The following RIT2 variants were observed in gnomAD, a reference collection of about 807,000 sequenced individuals.
The protein encoded by RIT2 is Ras like without CAAX 2.
RIT2 carries 24 observed loss-of-function variants against 23.7 expected under a neutral mutation model. That is an observed-to-expected ratio of 1.01 (90% confidence interval 0.73 to 1.43). RIT2 has a LOEUF of 1.43. RIT2 is among the 40% of genes most tolerant of loss of function. RIT2 has a pLI of 0.00. For missense variants in RIT2, 236 were observed against 266.9 expected (o/e 0.88, Z 0.81); for synonymous variants, 107 against 91.1 (o/e 1.17, Z -0.99).
intron 1 of RIT2, among the ~76,000 whole-genome samples, chr18:43,094,127 T>G (rs533375018): frequency 1.4e-3 from 183 of 129,880 alleles, no homozygotes; most frequent in African/African-American, 4.7e-3. Context: ...TTTTTTGTTT[T>G]TTTTTTTTTT....
intron 3 of RIT2, among the ~76,000 whole-genome samples, chr18:42,959,537 T>C (rs1431671350): frequency 6.6e-6 from 1 of 152,202 alleles, no homozygotes; most frequent in Non-Finnish European, 1.5e-5. Context: ...TCTTTCTCCT[T>C]TTTCAATTTA....
intron 4 of RIT2, among the ~76,000 whole-genome samples, chr18:42,880,773 G>A (rs1243907638): frequency 6.9e-6 from 1 of 145,280 alleles, no homozygotes; most frequent in Non-Finnish European, 1.5e-5. Context: ...AAGGGCCTGT[G>A]TCCAAAACAG....
chr18:43,062,140 C>T (rs749060562), intron 1 of RIT2, among the ~76,000 whole-genome samples: 7 of 151,996 alleles, frequency 4.6e-5, no homozygotes, highest in South Asian at 2.1e-4. Flanking sequence ...GCAAAAAAGC[C>T]GCAACATAGG....
At chr18:42,754,165 C>A (rs1025482554) in intron 4 of RIT2, among the ~76,000 whole-genome samples, 6 of 152,170 alleles carry the variant, frequency 3.9e-5, no homozygotes, top group Non-Finnish European at 5.9e-5. Context: ...CTTAGCACGT[C>A]CCTCTTTTAG....
intron 2 of RIT2, among the ~76,000 whole-genome samples, chr18:42,979,279 A>C: frequency 6.6e-6 from 1 of 152,252 alleles, no homozygotes; most frequent in African/African-American, 2.4e-5. Context: ...AATTAGGATA[A>C]TATAAGACCA....
intron 1 of RIT2, among the ~76,000 whole-genome samples, chr18:43,108,027 AACC>A (rs1407237576): frequency 6.8e-6 from 1 of 147,518 alleles, no homozygotes; most frequent in Non-Finnish European, 1.5e-5. Context: ...AAAAAAAATT[AACC>A]GGGCATGGTG....
At chr18:42,933,794 C>G (rs1477813743) in intron 3 of RIT2, among the ~76,000 whole-genome samples, 1 of 151,832 alleles carries the variant, frequency 6.6e-6, no homozygotes. Context: ...CTGAGGCAGG[C>G]AGAACACAAG....
At chr18:42,844,030 T>G (rs1330113769) in intron 4 of RIT2, among the ~76,000 whole-genome samples, 1 of 152,182 alleles carries the variant, frequency 6.6e-6, no homozygotes, top group African/African-American at 2.4e-5. Context: ...TCTCAGACCA[T>G]TTTTTGGACT....
chr18:43,049,089 G>A (rs1568066828), intron 1 of RIT2, among the ~76,000 whole-genome samples: 1 of 152,140 alleles, frequency 6.6e-6, no homozygotes, highest in African/African-American at 2.4e-5. Context: ...CACTAGTATG[G>A]CACTCCAACT....
At chr18:42,854,816 T>A (rs190530774) in intron 4 of RIT2, among the ~76,000 whole-genome samples, 1 of 152,182 alleles carries the variant, frequency 6.6e-6, no homozygotes, top group African/African-American at 2.4e-5. Flanking sequence ...AATCCAATAC[T>A]AGTATGACAT....
At chr18:42,952,094 C>T (rs2144174092) in intron 3 of RIT2, among the ~76,000 whole-genome samples, 1 of 152,248 alleles carries the variant, frequency 6.6e-6, no homozygotes, top group South Asian at 2.1e-4. Flanking sequence ...TTACCTCCTA[C>T]TGGGTCCCTC....
rs554098278 is a variant in RIT2 at position 42,795,615 on chromosome 18, G to A, written c.427-51895C>T. On this transcript the variant is annotated intron_variant, in intron 4 of 4. Transcript: ENST00000326695. ...CGACCACCTAAGGGCTGAGAACTGC[G>A]GGCGCGGCACGGGACTGGCAGGCAG... is the stretch of plus-strand genomic sequence containing the variant. 8.1e-4 allele frequency among the ~76,000 whole-genome samples: 124 copies of A among 152,372 alleles called. 1 individual carries two copies. In the South Asian group the frequency reaches 0.019, roughly 23 times the overall value.
intron 4 of RIT2, among the ~76,000 whole-genome samples, chr18:42,922,672 A>G (rs1909081594): frequency 6.6e-6 from 1 of 152,150 alleles, no homozygotes; most frequent in Non-Finnish European, 1.5e-5. Flanking sequence ...GTTATTGCCC[A>G]AGAAGTAGTG....
intron 2 of RIT2, among the ~76,000 whole-genome samples, chr18:42,996,750 T>C (rs1329852036): frequency 6.6e-6 from 1 of 152,094 alleles, no homozygotes; most frequent in Non-Finnish European, 1.5e-5. Flanking sequence ...CCCAGGTGAT[T>C]AAAAGCTTTA....
intron 4 of RIT2, among the ~76,000 whole-genome samples, chr18:42,797,549 T>C (rs1490089912): frequency 6.6e-6 from 1 of 152,254 alleles, no homozygotes; most frequent in Non-Finnish European, 1.5e-5. Flanking sequence ...TTGGGCATGT[T>C]ACTATTGTTT....
rs1908422963 is a variant in RIT2, at chr18:42,899,624, G to A, written c.426+23948C>T. On this transcript the variant is annotated intron_variant, in intron 4 of 4. Transcript: ENST00000326695. ...ATTCATGGTCAAAGCGTGAGGTAATGCAAACCTGAGGTGCATTAAAAGCTC... is the reference window on the plus strand; with the variant it reads ...ATTCATGGTCAAAGCGTGAGGTAATACAAACCTGAGGTGCATTAAAAGCTC... Among the ~76,000 whole-genome samples, 4 of 152,108 alleles carry A rather than the reference G, an allele frequency of 2.6e-5. No homozygotes were observed. The South Asian group carries it at 8.3e-4, about 32-fold the overall frequency.
At chr18:43,108,601 T>C (rs1465946500) in intron 1 of RIT2, among the ~76,000 whole-genome samples, 1 of 152,216 alleles carries the variant, frequency 6.6e-6, no homozygotes, top group Non-Finnish European at 1.5e-5. Flanking sequence ...ATAGTACTCA[T>C]GTAGAGCTGT....
At chr18:42,989,465 A>T (rs1177066638) in intron 2 of RIT2, among the ~76,000 whole-genome samples, 2 of 152,218 alleles carry the variant, frequency 1.3e-5, no homozygotes, top group African/African-American at 4.8e-5. Context: ...GATTAAATTA[A>T]ATTTAATATA....
intron 4 of RIT2, among the ~76,000 whole-genome samples, chr18:42,847,772 A>G (rs1906948642): frequency 6.6e-6 from 1 of 151,886 alleles, no homozygotes; most frequent in Admixed American, 6.6e-5. Context: ...CAGTGTTTCA[A>G]GAAGGAAGAT....
Sources: gnomAD v4.1 joint callset for allele counts (sites outside exome capture counted in the v4.1 genomes callset) on GRCh38, gnomAD v4.1.1 for gene constraint, MANE v1.5 for transcripts, NCBI Gene and HGNC (gene_info 2026-07-23, HGNC 2026-07-21) for gene names.